The following TFE3 variants were observed in gnomAD, a reference collection of about 807,000 sequenced individuals.
TFE3 encodes the protein transcription factor binding to IGHM enhancer 3.
TFE3 carries 5 observed loss-of-function variants against 35.0 expected under a neutral mutation model. The observed-to-expected ratio is 0.14, with a 90% CI of 0.07 to 0.30. The LOEUF (loss-of-function observed/expected upper bound fraction) is 0.30, where lower values mean the gene tolerates loss of function less well. Among genes scored for constraint, TFE3 ranks in the 10% least tolerant of loss-of-function variants. The pLI, the probability that TFE3 is intolerant of heterozygous loss-of-function variation, is 1.00. For missense variants in TFE3, 374 were observed against 496.6 expected, an observed-to-expected ratio of 0.75 and a Z score of 2.35; for synonymous variants, 211 against 215.6, an observed-to-expected ratio of 0.98 and a Z score of 0.18.
At position 49,029,561 on chromosome X, in the gene TFE3, TAGA is replaced by T. The variant is rs1319014992; in HGVS notation, c.*594_*596del. On this transcript the variant is annotated 3_prime_UTR_variant, in exon 10 of 10. Transcript: ENST00000315869. ...GGGTGGGGCCTGGCTCCTCCATTCC[TAGA>T]AGGCCAGGAGAGTTCCCAGGGGAAG... 1 of 314,325 alleles carries T rather than the reference TAGA, an allele frequency of 3.2e-6. No individual in the cohort carries two copies. The highest frequency in any genetic ancestry group is 6.0e-6 in the Non-Finnish European group (1 of 167,366). 25.9% of individuals were successfully genotyped at this position (314,325 alleles called of 1,213,427 possible).
Position 49,043,302 on chromosome X carries a change from C to T in TFE3, c.-76G>A. 1.2e-6 allele frequency: 1 copy of T among 815,050 alleles called. No homozygotes were observed. The allele number at this position is 815,050 out of a possible 1,213,427, so 67.2% of individuals were successfully genotyped here. On this transcript the variant is annotated 5_prime_UTR_variant, in exon 1 of 10. Transcript: ENST00000315869. ...TCCCCCTAACAAAATAAGAGTCCCC[C>T]CTCCCCCCAGCTCGCCACCGCCGCC... is the stretch of plus-strand genomic sequence containing the variant.
In TFE3 at chrX:49,033,778, G is replaced by A. The variant is rs782115411; in HGVS notation, c.1008C>T (p.Thr336=). Residue 336 remains threonine, a synonymous_variant, in exon 7 of 10, where the codon ACC becomes ACT. Transcript: ENST00000315869. ...GTTCCTTCAAAAGGGCCTTTGCCTC[G>A]GTCTCTGGAAAAGAGTGGAGTGATC... ...LPNIKREISE[T]EAKALLKERQ... The A allele has an allele frequency of 2.5e-6, 3 of 1,211,492 alleles. No homozygotes were observed. Among genetic ancestry groups the A allele is most frequent in the Non-Finnish European group, 3.4e-6 (3 of 895,314 alleles).
chrX:49,031,597 A>G (rs781946230), intron 8 of TFE3, 53 bp from the exon 9 acceptor site: 126 of 1,110,805 alleles, frequency 1.1e-4, no homozygotes, highest in Non-Finnish European at 1.5e-4. Flanking sequence ...GGAGTTTCTC[A>G]GGAGCTGAGG....
At chrX:49,033,078 C>T (rs1351863555) in intron 8 of TFE3, among the ~76,000 whole-genome samples, 1 of 110,803 alleles carries the variant, frequency 9.0e-6, no homozygotes, top group Non-Finnish European at 1.9e-5. Context: ...GCTGGGATTA[C>T]AGGCATGAGC....
At position 49,030,606 on chromosome X, in the gene TFE3, A is replaced by T. The variant is rs782342716; in HGVS notation, c.1285-5T>A. 1.8e-5 allele frequency: 21 copies of T among 1,195,404 alleles called. No individual in the cohort carries two copies. In the South Asian group the frequency reaches 3.6e-4, roughly 21 times the overall value. The stretch of plus-strand genomic sequence containing the variant: ...CTGGGCCTGCAGTTCTAGTTCCTGT[A>T]AAAAATAGGGGTTGGGTGCAGGATA... On this transcript the variant is annotated splice_polypyrimidine_tract_variant and splice_region_variant and intron_variant, in intron 9 of 9. Transcript: ENST00000315869.
In TFE3 at chrX:49,038,314, C is replaced by A. The variant is rs781925356; in HGVS notation, c.663G>T (p.Gly221=). 3 of 1,204,305 alleles carry A rather than the reference C, an allele frequency of 2.5e-6. No homozygotes were observed. The highest frequency in any genetic ancestry group is 3.4e-6 in the Non-Finnish European group (3 of 892,924). ...CAGGCAGTGGCTGGGCACTTGCGGG[C>A]CCCGGCGGTGGGGTGAGGGCCTGGG... ...LASQALTPPP[G]PASAQPLPAP... is the part of the protein sequence containing the mutation. Residue 221 remains glycine (G), a synonymous_variant, in exon 4 of 10, where the codon GGG becomes GGT. Coordinates refer to ENST00000315869, the MANE Select transcript of TFE3 (RefSeq NM_006521.6).
At chrX:49,030,672 G>C in intron 9 of TFE3, 71 bp from the exon 10 acceptor site, 6 of 929,918 alleles carry the variant, frequency 6.5e-6, no homozygotes, top group Non-Finnish European at 8.9e-6. Flanking sequence ...GAGTATAAAG[G>C]TTGAAAAGGG....
chrX:49,042,970 G>T, intron 1 of TFE3, 141 bp downstream of exon 1: 2 of 439,520 alleles, frequency 4.6e-6, no homozygotes, highest in Non-Finnish European at 7.5e-6. Context: ...GGATTCCTTA[G>T]GTGCCCCCCC....
chrX:49,036,502 AT>A (rs1557074793), intron 5 of TFE3, among the ~76,000 whole-genome samples: 6 of 104,241 alleles, frequency 5.8e-5, no homozygotes, highest in African/African-American at 2.1e-4. Flanking sequence ...AAATAAATAA[AT>A]AAATAAATAA....
chrX:49,043,013 G>A (rs1255370363), intron 1 of TFE3, 98 bp downstream of exon 1: 1 of 726,592 alleles, frequency 1.4e-6, no homozygotes, highest in African/African-American at 2.3e-5. Context: ...CCAAGGCTAG[G>A]CCGAGGGCCT....
chrX:49,030,047 G>A lies in TFE3; in HGVS notation c.*111C>T, dbSNP rs782006875. 47 of 838,567 alleles carry A rather than the reference G, an allele frequency of 5.6e-5. No homozygotes were observed. The East Asian group carries it at 1.4e-3, about 26-fold the overall frequency. The allele number at this position is 838,567 out of a possible 1,213,427, so 69.1% of individuals were successfully genotyped here. A position where few individuals can be genotyped will look rare whatever the true frequency, so the allele number is the denominator to read the frequency against. Reference sequence around the variant, plus strand: ...CCTGATCACATCTCCTCTTCCCCCAGGATACCTGGGCAGGGCAGTCTCATG... The same window carrying A: ...CCTGATCACATCTCCTCTTCCCCCAAGATACCTGGGCAGGGCAGTCTCATG... On this transcript the variant is annotated 3_prime_UTR_variant, in exon 10 of 10. Coordinates refer to ENST00000315869, the MANE Select transcript of TFE3 (RefSeq NM_006521.6).
chrX:49,043,304 TC>T lies in TFE3; in HGVS notation c.-79del. ...CCCCTAACAAAATAAGAGTCCCCCC[TC>T]CCCCCAGCTCGCCACCGCCGCCTCC... On this transcript the variant is annotated 5_prime_UTR_variant, in exon 1 of 10. Transcript: ENST00000315869. 4.1e-6 allele frequency: 3 copies of T among 737,995 alleles called. No individual in the cohort carries two copies. Among genetic ancestry groups the T allele is most frequent in the Non-Finnish European group, 5.5e-6 (3 of 541,308 alleles). 60.8% of individuals were successfully genotyped at this position (737,995 alleles called of 1,213,427 possible). A position where few individuals can be genotyped will look rare whatever the true frequency, so the allele number is the denominator to read the frequency against.
Position 49,030,016 on chromosome X carries a change from G to T in TFE3, c.*142C>A. On this transcript the variant is annotated 3_prime_UTR_variant, in exon 10 of 10. Transcript: ENST00000315869. ...TCCTCCTCCTTGCCTGATTACAGGG[G>T]TGGGGCCTGATCACATCTCCTCTTC... is the stretch of plus-strand genomic sequence containing the variant. 1.5e-6 allele frequency: 1 copy of T among 653,138 alleles called. No individual in the cohort carries two copies. Among genetic ancestry groups the T allele is most frequent in the East Asian group, 3.2e-5 (1 of 31,016 alleles). 53.8% of individuals were successfully genotyped at this position (653,138 alleles called of 1,213,427 possible).
intron 8 of TFE3, 86 bp from the exon 9 acceptor site, chrX:49,031,630 C>G: frequency 1.0e-6 from 1 of 982,095 alleles, no homozygotes; most frequent in Non-Finnish European, 1.4e-6. Flanking sequence ...CAGGTGGGAG[C>G]CTCCCACCAC....
chrX:49,040,289 C>A (rs1278619374), intron 2 of TFE3, among the ~76,000 whole-genome samples, 166 bp downstream of exon 2: 4 of 104,723 alleles, frequency 3.8e-5, no homozygotes, highest in Non-Finnish European at 5.9e-5. Context: ...GCTTGGCCAC[C>A]TACTTTCCTG....
chrX:49,031,293 C>T lies in TFE3; in HGVS notation c.1284+104G>A, dbSNP rs1407834366. 1.2e-5 allele frequency: 11 copies of T among 952,308 alleles called. No individual in the cohort carries two copies. The Admixed American group carries it at 4.3e-4, about 37-fold the overall frequency. 78.5% of individuals were successfully genotyped at this position (952,308 alleles called of 1,213,427 possible). ...CGTGTGATCTGGGAAGCCCAGGGAT[C>T]CCCCAAGTATGCCAGGAAGGGAAAC... On this transcript the variant is annotated intron_variant, in intron 9 of 9. Coordinates refer to ENST00000315869, the MANE Select transcript of TFE3 (RefSeq NM_006521.6).
Position 49,041,555 on chromosome X carries a change from A to G in TFE3, c.117-987T>C, listed in dbSNP as rs781873695. ...GGTGGTTGATCCACTTTATACAAGCATTCTTTTCTTACCGGAGGAGCCTGC... is the reference window on the plus strand; with the variant it reads ...GGTGGTTGATCCACTTTATACAAGCGTTCTTTTCTTACCGGAGGAGCCTGC... On this transcript the variant is annotated intron_variant, in intron 1 of 9. Transcript: ENST00000315869. Among the ~76,000 whole-genome samples the G allele has an allele frequency of 1.3e-3, 144 of 111,408 alleles. 1 individual carries two copies. Among genetic ancestry groups the G allele is most frequent in the African/African-American group, 4.5e-3 (137 of 30,610 alleles).
At position 49,030,598 on chromosome X, in the gene TFE3, G is replaced by A. The variant is rs2064694685; in HGVS notation, c.1288C>T (p.Leu430=). 13 of 1,204,017 alleles carry A rather than the reference G, an allele frequency of 1.1e-5. No individual in the cohort carries two copies. Among genetic ancestry groups the A allele is most frequent in the Non-Finnish European group, 1.5e-5 (13 of 890,578 alleles). The change falls in exon 10 of 10, where the codon CTA becomes TTA. Residue 430 remains leucine (L), a synonymous_variant. Coordinates refer to ENST00000315869, the MANE Select transcript of TFE3 (RefSeq NM_006521.6). ...NRSLQLRIQE[L]ELQAQIHGLP... ...CCATGGATCTGGGCCTGCAGTTCTAGTTCCTGTAAAAAATAGGGGTTGGGT... is the reference window on the plus strand; with the variant it reads ...CCATGGATCTGGGCCTGCAGTTCTAATTCCTGTAAAAAATAGGGGTTGGGT...
chrX:49,036,081 G>A (rs1430734800), intron 5 of TFE3, among the ~76,000 whole-genome samples: 1 of 110,297 alleles, frequency 9.1e-6, no homozygotes, highest in Non-Finnish European at 1.9e-5. Context: ...TGAGGTGGGA[G>A]GATCACTTGA....
Sources: allele counts gnomAD v4.1 joint callset (sites outside exome capture counted in the v4.1 genomes callset), GRCh38; gene constraint gnomAD v4.1.1; transcripts MANE v1.5; gene names NCBI Gene and HGNC (gene_info 2026-07-23, HGNC 2026-07-21).